Variants in CNTN5 observed in about 807,000 individuals in gnomAD.
CNTN5 encodes contactin 5.
CNTN5 carries 77 observed loss-of-function variants against 129.1 expected under a neutral mutation model. The observed-to-expected ratio is 0.60, with a 90% confidence interval of 0.50 to 0.72. CNTN5 has a LOEUF of 0.72. CNTN5 is among the 30% of genes least tolerant of loss of function. The pLI, the probability that CNTN5 is intolerant of heterozygous loss-of-function variation, is 0.00. For synonymous variants in CNTN5, 509 were observed against 465.6 expected, an observed-to-expected ratio of 1.09 and a Z score of -1.20; for missense variants, 1,478 against 1,328.8, an observed-to-expected ratio of 1.11 and a Z score of -1.75.
chr11:99,237,798 A>G (rs1861355925), intron 1 of CNTN5, among the ~76,000 whole-genome samples: 2 of 152,214 alleles, frequency 1.3e-5, no homozygotes, highest in African/African-American at 4.8e-5. Flanking sequence ...CTTTGATTTA[A>G]TAATTATGGG....
At chr11:99,729,176 C>T (rs887281644) in intron 3 of CNTN5, among the ~76,000 whole-genome samples, 4 of 151,958 alleles carry the variant, frequency 2.6e-5, no homozygotes, top group Admixed American at 6.6e-5. Flanking sequence ...ATAACATTCA[C>T]GTGGGTATTT....
At chr11:99,929,492 A>G (rs1294110687) in intron 7 of CNTN5, among the ~76,000 whole-genome samples, 1 of 152,062 alleles carries the variant, frequency 6.6e-6, no homozygotes, top group Non-Finnish European at 1.5e-5. Context: ...TGATAAAGGA[A>G]AAACGTTTAA....
chr11:100,006,860 A>G (rs1940225517), intron 9 of CNTN5, among the ~76,000 whole-genome samples: 2 of 152,130 alleles, frequency 1.3e-5, no homozygotes, highest in Admixed American at 6.6e-5. Context: ...CTCTACCCTT[A>G]TAAAATGTAT....
intron 7 of CNTN5, among the ~76,000 whole-genome samples, chr11:99,936,290 C>T (rs976873266): frequency 1.3e-4 from 20 of 152,296 alleles, no homozygotes; most frequent in African/African-American, 4.8e-4. Flanking sequence ...AGCATGTTGC[C>T]TAAGCAAATG....
chr11:99,469,874 C>G (rs891487420), intron 2 of CNTN5, among the ~76,000 whole-genome samples: 1 of 152,116 alleles, frequency 6.6e-6, no homozygotes, highest in African/African-American at 2.4e-5. Flanking sequence ...TTTCTAGTCT[C>G]TAAAGTTTCT....
chr11:99,028,020 A>G (rs1254377272), intron 1 of CNTN5, among the ~76,000 whole-genome samples: 1 of 151,764 alleles, frequency 6.6e-6, no homozygotes, highest in Non-Finnish European at 1.5e-5. Flanking sequence ...CCCAATGAAT[A>G]GTCATTTTAG....
At chr11:99,274,786 A>G (rs1161136131) in intron 1 of CNTN5, among the ~76,000 whole-genome samples, 2 of 151,486 alleles carry the variant, frequency 1.3e-5, no homozygotes, top group Non-Finnish European at 3.0e-5. Context: ...CATTTTCCAC[A>G]TTAGTAAATG....
chr11:99,734,671 G>A (rs886335699), intron 3 of CNTN5, among the ~76,000 whole-genome samples: 3 of 151,712 alleles, frequency 2.0e-5, no homozygotes, highest in African/African-American at 4.8e-5. Context: ...GCCAAAGAGG[G>A]TGTGTCCCTA....
intron 3 of CNTN5, among the ~76,000 whole-genome samples, chr11:99,631,059 C>T (rs117961314): frequency 0.03 from 4,533 of 152,210 alleles, 98 homozygotes; most frequent in Non-Finnish European, 0.041. Flanking sequence ...ATTTATCCTG[C>T]AGAGTTGCTG....
At chr11:99,516,136 T>A (rs1461478702) in intron 2 of CNTN5, among the ~76,000 whole-genome samples, 1 of 151,264 alleles carries the variant, frequency 6.6e-6, no homozygotes, top group African/African-American at 2.4e-5. Context: ...TGCTAATTGT[T>A]AAAAAAAATG....
At chr11:99,261,293 G>A in intron 1 of CNTN5, among the ~76,000 whole-genome samples, 1 of 151,966 alleles carries the variant, frequency 6.6e-6, no homozygotes, top group East Asian at 1.9e-4. Flanking sequence ...ATTAAAATGT[G>A]TAATTCTTCT....
At chr11:99,801,099 C>T (rs935358552) in intron 3 of CNTN5, among the ~76,000 whole-genome samples, 3 of 152,096 alleles carry the variant, frequency 2.0e-5, no homozygotes, top group Admixed American at 6.6e-5. Flanking sequence ...TTATTACTAC[C>T]GTAAGAGCCT....
chr11:99,565,188 A>T (rs1234816680), intron 3 of CNTN5, among the ~76,000 whole-genome samples: 1 of 152,116 alleles, frequency 6.6e-6, no homozygotes, highest in Non-Finnish European at 1.5e-5. Context: ...AGCCCCTAGA[A>T]GCCGCCTCAT....
intron 3 of CNTN5, among the ~76,000 whole-genome samples, chr11:99,666,152 G>A (rs1431720831): frequency 6.6e-6 from 1 of 152,000 alleles, no homozygotes; most frequent in Non-Finnish European, 1.5e-5. Context: ...ATTTTTAGTG[G>A]TGACAGGGCT....
At chr11:99,328,893 A>G (rs140046659) in intron 2 of CNTN5, among the ~76,000 whole-genome samples, 3,251 of 137,626 alleles carry the variant, frequency 0.024, 139 homozygotes, top group African/African-American at 0.09. Context: ...AAAAAAGAAA[A>G]AAAACAGGAA....
At chr11:100,334,813 G>C (rs557936567) in intron 21 of CNTN5, among the ~76,000 whole-genome samples, 2 of 151,982 alleles carry the variant, frequency 1.3e-5, no homozygotes, top group Admixed American at 6.6e-5. Flanking sequence ...AAAAGTTCTC[G>C]CATTGGGTGC....
intron 4 of CNTN5, among the ~76,000 whole-genome samples, chr11:99,835,992 G>C (rs1015307970): frequency 1.3e-5 from 2 of 152,040 alleles, no homozygotes; most frequent in African/African-American, 4.8e-5. Context: ...GTGAAAGCAA[G>C]TTTATTAAGA....
At chr11:99,050,405 A>G (rs1053402644) in intron 1 of CNTN5, among the ~76,000 whole-genome samples, 2 of 152,006 alleles carry the variant, frequency 1.3e-5, no homozygotes, top group African/African-American at 4.8e-5. Flanking sequence ...AATTTGGTAG[A>G]GAATGTCATA....
intron 2 of CNTN5, among the ~76,000 whole-genome samples, chr11:99,380,094 TGTGTGTGTGTGTATG>T (rs759243219): frequency 0.051 from 7,800 of 151,630 alleles, 259 homozygotes; most frequent in Admixed American, 0.1. Context: ...TGTGTGTGTG[TGTGTGTGTGTGTATG>T]GTGTGTGTGT....
Sources: allele counts gnomAD v4.1 joint callset (sites outside exome capture counted in the v4.1 genomes callset), GRCh38; gene constraint gnomAD v4.1.1; transcripts MANE v1.5; gene names NCBI Gene and HGNC (gene_info 2026-07-23, HGNC 2026-07-21).